GRID2: variants seen among roughly 807,000 people sequenced by gnomAD.
GRID2 encodes the protein glutamate ionotropic receptor delta type subunit 2, also known as glutamate receptor ionotropic, delta-2.
A neutral mutation model predicts 114.8 loss-of-function variants in GRID2; 33 were observed. The observed-to-expected ratio is 0.29, with a 90% CI of 0.22 to 0.38. The LOEUF is 0.38. Ranked by LOEUF, GRID2 falls within the 10% of genes least tolerant of loss-of-function variation. The probability of loss-of-function intolerance (pLI) is 1.00; values close to 1 mark genes in which losing one functional copy is unlikely to be tolerated. For synonymous variants in GRID2, 505 were observed against 449.9 expected (o/e 1.12, Z -1.55); for missense variants, 1,184 against 1,257.7 (o/e 0.94, Z 0.89).
intron 2 of GRID2, among the ~76,000 whole-genome samples, chr4:92,961,788 T>A (rs1752833336): frequency 6.6e-6 from 1 of 151,830 alleles, no homozygotes; most frequent in Admixed American, 6.6e-5. Context: ...CTTCTGATAG[T>A]CTCATTACAT....
At chr4:93,541,177 T>A (rs1044993912) in intron 13 of GRID2, among the ~76,000 whole-genome samples, 2 of 152,116 alleles carry the variant, frequency 1.3e-5, no homozygotes, top group African/African-American at 4.8e-5. Flanking sequence ...AGGAAGACAA[T>A]GAAATCTAAG....
chr4:92,753,130 ATGAT>A (rs1010242163), intron 2 of GRID2, among the ~76,000 whole-genome samples: 32 of 152,284 alleles, frequency 2.1e-4, no homozygotes, highest in African/African-American at 7.2e-4. Flanking sequence ...TTTTTAGACA[ATGAT>A]TAGTTAGGTA....
At chr4:92,752,503 ATAAT>A (rs1407587720) in intron 2 of GRID2, among the ~76,000 whole-genome samples, 1 of 152,196 alleles carries the variant, frequency 6.6e-6, no homozygotes, top group Non-Finnish European at 1.5e-5. Flanking sequence ...TAGCTATATA[ATAAT>A]TTCTGTAGTG....
At chr4:93,751,815 C>T (rs115569679) in intron 14 of GRID2, among the ~76,000 whole-genome samples, 2,786 of 152,270 alleles carry the variant, frequency 0.018, 40 homozygotes, top group Non-Finnish European at 0.027. Flanking sequence ...AGGCCTGTAA[C>T]CCGGCTTGCC....
chr4:93,011,334 G>A (rs1381643841), intron 2 of GRID2, among the ~76,000 whole-genome samples: 2 of 151,614 alleles, frequency 1.3e-5, no homozygotes, highest in Non-Finnish European at 1.5e-5. Context: ...CATCTTTTGG[G>A]GGTTTTAGAG....
At chr4:92,822,311 C>T (rs978132226) in intron 2 of GRID2, 3 of 617,564 alleles carry the variant, frequency 4.9e-6, no homozygotes, top group South Asian at 1.4e-5. Context: ...TCCAGAAGCA[C>T]AGAGGGATCC....
At chr4:92,872,994 G>A (rs966557104) in intron 2 of GRID2, among the ~76,000 whole-genome samples, 1 of 152,162 alleles carries the variant, frequency 6.6e-6, no homozygotes, top group African/African-American at 2.4e-5. Flanking sequence ...TGGTGGATTA[G>A]TACCCAAGAT....
At chr4:93,614,157 G>A (rs954257950) in intron 13 of GRID2, among the ~76,000 whole-genome samples, 6 of 152,146 alleles carry the variant, frequency 3.9e-5, no homozygotes, top group African/African-American at 1.4e-4. Context: ...GCAATGCCTC[G>A]CCCTGCTTCA....
intron 14 of GRID2, among the ~76,000 whole-genome samples, chr4:93,750,907 A>C (rs1388732470): frequency 6.6e-6 from 1 of 152,218 alleles, no homozygotes; most frequent in African/African-American, 2.4e-5. Flanking sequence ...TCTTCTGCTA[A>C]GAATCAAACA....
chr4:92,811,957 G>A (rs775640551), intron 2 of GRID2, among the ~76,000 whole-genome samples: 12 of 151,984 alleles, frequency 7.9e-5, no homozygotes, highest in Non-Finnish European at 1.5e-4. Context: ...TACCAGTAAG[G>A]ATCATCTACC....
At chr4:93,285,192 C>A (rs1753023269) in intron 8 of GRID2, among the ~76,000 whole-genome samples, 1 of 151,994 alleles carries the variant, frequency 6.6e-6, no homozygotes, top group East Asian at 1.9e-4. Flanking sequence ...CAAGTAAATT[C>A]ATGATGACCT....
At chr4:92,527,227 C>A (rs989068973) in intron 1 of GRID2, among the ~76,000 whole-genome samples, 1 of 152,044 alleles carries the variant, frequency 6.6e-6, no homozygotes, top group East Asian at 1.9e-4. Context: ...GATTTTATAA[C>A]CTCTTACAAT....
At chr4:92,704,701 A>ATCTCTCTCTCTCTCTCTCTCTTTC (rs1204622045) in intron 2 of GRID2, among the ~76,000 whole-genome samples, 1 of 113,666 alleles carries the variant, frequency 8.8e-6, no homozygotes, top group Non-Finnish European at 1.9e-5. Flanking sequence ...CAATCAATCA[A>ATCTCTCTCTCTCTCTCTCTCTTTC]TCTCTCTCTC....
intron 5 of GRID2, among the ~76,000 whole-genome samples, chr4:93,208,073 G>A (rs895590061): frequency 5.9e-5 from 9 of 151,956 alleles, no homozygotes; most frequent in African/African-American, 2.2e-4. Flanking sequence ...AAGGAACAAT[G>A]AGCAGGTCAG....
chr4:93,765,781 G>A (rs1453090341), intron 14 of GRID2, among the ~76,000 whole-genome samples: 1 of 151,674 alleles, frequency 6.6e-6, no homozygotes. Context: ...TTAAGTTCCT[G>A]AATGAAGGAA....
chr4:92,532,472 C>T lies in GRID2; in HGVS notation c.89-57659C>T, dbSNP rs369154085. Among the ~76,000 whole-genome samples the T allele has an allele frequency of 4.7e-4, 72 of 152,194 alleles. No homozygotes were observed. The South Asian group carries it at 0.012, about 25-fold the overall frequency. ...ACAACATATATAATCATAAATGTACCGGATATGTTCCCCTTTTTTGATGAT... is the reference window on the plus strand; with the variant it reads ...ACAACATATATAATCATAAATGTACTGGATATGTTCCCCTTTTTTGATGAT... On this transcript the variant is annotated intron_variant, in intron 1 of 15. Transcript: ENST00000282020.
chr4:92,704,742 T>TCTCC (rs1560542562), intron 2 of GRID2, among the ~76,000 whole-genome samples: 1 of 150,156 alleles, frequency 6.7e-6, no homozygotes, highest in Non-Finnish European at 1.5e-5. Flanking sequence ...TCTCTCTCTC[T>TCTCC]CTCCCTCCCT....
intron 3 of GRID2, among the ~76,000 whole-genome samples, chr4:93,109,159 G>C (rs1416281784): frequency 6.6e-6 from 1 of 152,094 alleles, no homozygotes; most frequent in East Asian, 1.9e-4. Flanking sequence ...TTCTGACTTG[G>C]ATATTGAATG....
At chr4:92,951,321 A>T (rs746670282) in intron 2 of GRID2, among the ~76,000 whole-genome samples, 2 of 150,548 alleles carry the variant, frequency 1.3e-5, no homozygotes, top group Non-Finnish European at 3.0e-5. Flanking sequence ...TTCTCCAAAA[A>T]TTCGCAAAAT....
Sources: gnomAD v4.1 joint callset for allele counts (sites outside exome capture counted in the v4.1 genomes callset) on GRCh38, gnomAD v4.1.1 for gene constraint, MANE v1.5 for transcripts, NCBI Gene and HGNC (gene_info 2026-07-23, HGNC 2026-07-21) for gene names.